Variants in ZNF641 observed in about 807,000 individuals in gnomAD.
ZNF641 encodes the protein zinc finger protein 641.
ZNF641 carries 26 observed loss-of-function variants against 46.2 expected under a neutral mutation model. The ratio of observed to expected loss-of-function variants is 0.56; its 90% CI spans 0.41 to 0.78. ZNF641 has a LOEUF of 0.78. ZNF641 is among the 30% of genes least tolerant of loss of function. The pLI is 0.00. For missense variants in ZNF641, 469 were observed against 517.8 expected (o/e 0.91, Z 0.91); for synonymous variants, 163 against 187.9 (o/e 0.87, Z 1.09).
chr12:48,343,786 C>G, intron 5 of ZNF641, 59 bp from the exon 6 acceptor site: 1 of 1,421,826 alleles, frequency 7.0e-7, no homozygotes, highest in Non-Finnish European at 9.2e-7. Context: ...TGCTTGAGGC[C>G]TAAGTCACAA....
chr12:48,342,916 G>C lies in ZNF641; in HGVS notation c.*57C>G. On this transcript the variant is annotated 3_prime_UTR_variant, in exon 6 of 6. Coordinates refer to ENST00000547026, the MANE Select transcript of ZNF641 (RefSeq NM_001172681.2). ...GTTCAGGAGAACGGCAGCCCTGGCA[G>C]TGACTCCTGGTAGCACCGGCTGATA... 1 of 1,540,868 alleles carries C rather than the reference G, an allele frequency of 6.5e-7. No individual in the cohort carries two copies. Among genetic ancestry groups the C allele is most frequent in the Admixed American group, 1.9e-5 (1 of 51,870 alleles).
At chr12:48,346,613 T>C (rs1952879186) in intron 3 of ZNF641, among the ~76,000 whole-genome samples, 1 of 152,218 alleles carries the variant, frequency 6.6e-6, no homozygotes, top group African/African-American at 2.4e-5. Flanking sequence ...CTAAGCTTTC[T>C]TCAGGTCCTC....
chr12:48,344,475 G>GA (rs940089233), intron 5 of ZNF641, 124 bp downstream of exon 5: 19 of 592,026 alleles, frequency 3.2e-5, no homozygotes, highest in African/African-American at 2.3e-4. Flanking sequence ...TGCTTTTGAA[G>GA]AAAAAAATCT....
In ZNF641 at chr12:48,341,667, T is replaced by TA; in HGVS notation, c.*1305dup. On this transcript the variant is annotated 3_prime_UTR_variant, in exon 6 of 6. Transcript: ENST00000547026. ...ACTTGCAAACACGTAATTCCTGCCC[T>TA]AATTTTCCAGCACTTAAAACAAAAT... 4.1e-6 allele frequency: 4 copies of TA among 985,466 alleles called. No individual in the cohort carries two copies. Among genetic ancestry groups the TA allele is most frequent in the Non-Finnish European group, 4.8e-6 (4 of 829,940 alleles). The allele number at this position is 985,466 out of a possible 1,614,324, so 61.0% of individuals were successfully genotyped here. A position where few individuals can be genotyped will look rare whatever the true frequency, so the allele number is the denominator to read the frequency against.
intron 1 of ZNF641, chr12:48,350,241 C>T: frequency 6.8e-7 from 1 of 1,463,362 alleles, no homozygotes; most frequent in Non-Finnish European, 9.0e-7. Context: ...GTTTCTGCAG[C>T]CAGTGCTGAT....
downstream of ZNF641, among the ~76,000 whole-genome samples, chr12:48,336,900 A>C (rs1012306729): frequency 5.9e-5 from 9 of 152,184 alleles, no homozygotes; most frequent in African/African-American, 2.2e-4. Context: ...CTGCCGCTGA[A>C]GTGCTCCCTG....
At chr12:48,345,231 C>T in intron 4 of ZNF641, 114 bp downstream of exon 4, 4 of 1,219,760 alleles carry the variant, frequency 3.3e-6, no homozygotes, top group African/African-American at 1.5e-5. Flanking sequence ...GAAGCATAGA[C>T]AGATTCCCTG....
chr12:48,350,228 G>T, intron 1 of ZNF641: 1 of 1,476,182 alleles, frequency 6.8e-7, no homozygotes, highest in Middle Eastern at 2.5e-4. Flanking sequence ...CCTGCAAAAG[G>T]AAGTTTCTGC....
chr12:48,341,975 A>T lies in ZNF641; in HGVS notation c.*998T>A. 1 of 985,428 alleles carries T rather than the reference A, an allele frequency of 1.0e-6. No individual in the cohort carries two copies. Among genetic ancestry groups the T allele is most frequent in the Non-Finnish European group, 1.2e-6 (1 of 829,944 alleles). 61.0% of individuals were successfully genotyped at this position (985,428 alleles called of 1,614,324 possible). A position where few individuals can be genotyped will look rare whatever the true frequency, so the allele number is the denominator to read the frequency against. ...ACCCCATATAATCCCCACTACCCTC[A>T]TCCCCAGAACACAGCCCCTAGAAAA... On this transcript the variant is annotated 3_prime_UTR_variant, in exon 6 of 6. Transcript: ENST00000547026.
At chr12:48,346,908 G>A (rs1039001723) in intron 3 of ZNF641, among the ~76,000 whole-genome samples, 1 of 152,178 alleles carries the variant, frequency 6.6e-6, no homozygotes, top group Non-Finnish European at 1.5e-5. Context: ...CTACTTGGGA[G>A]GCTGAAGCAC....
Position 48,340,506 on chromosome 12 carries a change from A to G in ZNF641, c.*2467T>C. ...AATACCCTTGTCGTAATTAAAGACC[A>G]GACTCCATCCTTATACCACTGATGC... is the stretch of plus-strand genomic sequence containing the variant. On this transcript the variant is annotated 3_prime_UTR_variant, in exon 6 of 6. Transcript: ENST00000547026. The G allele has an allele frequency of 1.0e-6, 1 of 974,180 alleles. No homozygotes were observed. Among genetic ancestry groups the G allele is most frequent in the African/African-American group, 1.9e-5 (1 of 53,746 alleles). The allele number at this position is 974,180 out of a possible 1,614,324, so 60.3% of individuals were successfully genotyped here.
chr12:48,341,532 G>A lies in ZNF641; in HGVS notation c.*1441C>T. ...CTTATTACCCTGCAGCAGCTGAAAAGCTAAGCCACAGCCATTTTCCCTAAA... is the reference window on the plus strand; with the variant it reads ...CTTATTACCCTGCAGCAGCTGAAAAACTAAGCCACAGCCATTTTCCCTAAA... On this transcript the variant is annotated 3_prime_UTR_variant, in exon 6 of 6. Transcript: ENST00000547026. 7.1e-6 allele frequency: 7 copies of A among 985,436 alleles called. No homozygotes were observed. The highest frequency in any genetic ancestry group is 6.0e-6 in the Non-Finnish European group (5 of 829,926). 61.0% of individuals were successfully genotyped at this position (985,436 alleles called of 1,614,324 possible).
Position 48,337,969 on chromosome 12 carries a change from C to G in ZNF641, c.*5004G>C, listed in dbSNP as rs1402113092. On this transcript the variant is annotated 3_prime_UTR_variant, in exon 6 of 6. Coordinates refer to ENST00000547026, the MANE Select transcript of ZNF641 (RefSeq NM_001172681.2). ...ACCTCTAGGGAATGGAGTAGAGGGG[C>G]CAGATTTGGCAGTACTAGGCAGGGG... 2.0e-5 allele frequency: 3 copies of G among 152,376 alleles called. No individual in the cohort carries two copies. Among genetic ancestry groups the G allele is most frequent in the African/African-American group, 7.3e-5 (3 of 41,372 alleles). 9.4% of individuals were successfully genotyped at this position (152,376 alleles called of 1,614,324 possible).
chr12:48,349,341 CTCTT>C (rs1172802488), intron 1 of ZNF641, among the ~76,000 whole-genome samples: 1 of 152,180 alleles, frequency 6.6e-6, no homozygotes, highest in Non-Finnish European at 1.5e-5. Context: ...GACTCAGAAT[CTCTT>C]TCTGTTTGGC....
rs1592146963 is a variant in ZNF641, at chr12:48,347,078, A to G, written c.276+174T>C. The stretch of plus-strand genomic sequence containing the variant: ...AAGGAATTCCCTTTCTTGTAGGTCC[A>G]TTTAATTTTCCAAGGGTCTTATGAC... On this transcript the variant is annotated intron_variant, in intron 3 of 5. Coordinates refer to ENST00000547026, the MANE Select transcript of ZNF641 (RefSeq NM_001172681.2). The G allele has an allele frequency of 8.3e-6, 10 of 1,205,058 alleles. No homozygotes were observed. In the East Asian group the frequency reaches 2.8e-4, roughly 33 times the overall value. 74.6% of individuals were successfully genotyped at this position (1,205,058 alleles called of 1,614,324 possible). A position where few individuals can be genotyped will look rare whatever the true frequency, so the allele number is the denominator to read the frequency against.
At chr12:48,345,213 C>T (rs1315457986) in intron 4 of ZNF641, 132 bp downstream of exon 4, 3 of 995,176 alleles carry the variant, frequency 3.0e-6, no homozygotes, top group African/African-American at 1.6e-5. Flanking sequence ...AGTGTTCTTT[C>T]TCCAGCGGAA....
chr12:48,350,084 G>T (rs1952986573), intron 1 of ZNF641: 2 of 1,614,214 alleles, frequency 1.2e-6, no homozygotes, highest in African/African-American at 2.7e-5. Flanking sequence ...TTCACGCAGA[G>T]CCAGCACCTG....
chr12:48,335,794 C>A (rs2136161915), downstream of ZNF641, among the ~76,000 whole-genome samples: 1 of 152,268 alleles, frequency 6.6e-6, no homozygotes, highest in African/African-American at 2.4e-5. Context: ...AGATTCTAGG[C>A]CCTGTGCTGA....
chr12:48,344,443 A>G, intron 5 of ZNF641, 156 bp downstream of exon 5: 1 of 502,414 alleles, frequency 2.0e-6, no homozygotes, highest in South Asian at 3.5e-5. Flanking sequence ...AGTGCCTGCT[A>G]CATCATTCTA....
Sources: gnomAD v4.1 joint callset for allele counts (sites outside exome capture counted in the v4.1 genomes callset) on GRCh38, gnomAD v4.1.1 for gene constraint, MANE v1.5 for transcripts, NCBI Gene and HGNC (gene_info 2026-07-23, HGNC 2026-07-21) for gene names.